The following CTNNA2 variants were observed in gnomAD, a reference collection of about 807,000 sequenced individuals.
The protein encoded by CTNNA2 is catenin alpha-2.
A neutral mutation model predicts 101.0 loss-of-function variants in CTNNA2; 42 were observed. The ratio of observed to expected loss-of-function variants is 0.42; its 90% confidence interval spans 0.32 to 0.54. CTNNA2 has a LOEUF of 0.54. CTNNA2 is among the 20% of genes least tolerant of loss of function. The probability of loss-of-function intolerance (pLI) is 0.14; values close to 1 mark genes in which losing one functional copy is unlikely to be tolerated. For synonymous variants in CTNNA2, 450 were observed against 456.4 expected (o/e 0.99, Z 0.18); for missense variants, 871 against 1,223.1 (o/e 0.71, Z 4.29).
At position 79,440,337 on chromosome 2, in the gene CTNNA2, G is replaced by A. The variant is rs899360724; in HGVS notation, c.-134-64717G>A. ...AAATTTATGGGAGAAGTAAGAGTCTGGGATACATTCCCAGCTCTGGAACCA... is the reference window on the plus strand; with the variant it reads ...AAATTTATGGGAGAAGTAAGAGTCTAGGATACATTCCCAGCTCTGGAACCA... On this transcript the variant is annotated intron_variant, in intron 4 of 21. Coordinates refer to the CTNNA2 transcript ENST00000466387. 2.6e-5 allele frequency among the ~76,000 whole-genome samples: 4 copies of A among 152,106 alleles called. No homozygotes were observed. The East Asian group carries it at 7.7e-4, about 29-fold the overall frequency.
intron 7 of CTNNA2, among the ~76,000 whole-genome samples, chr2:80,150,179 T>C (rs1040801671): frequency 3.9e-5 from 6 of 152,140 alleles, no homozygotes; most frequent in African/African-American, 1.4e-4. Context: ...GTGCTTTCAT[T>C]TGGATTTTAC....
chr2:79,616,042 T>C (rs1289141575), intron 1 of CTNNA2, among the ~76,000 whole-genome samples: 1 of 152,198 alleles, frequency 6.6e-6, no homozygotes, highest in African/African-American at 2.4e-5. Context: ...TTCTGTGGCT[T>C]CTTTCATGCA....
chr2:80,005,773 G>A (rs1007285041), intron 7 of CTNNA2, among the ~76,000 whole-genome samples: 1 of 147,556 alleles, frequency 6.8e-6, no homozygotes, highest in East Asian at 2.0e-4. Flanking sequence ...ATGTTTATTT[G>A]TTTTTTTTTT....
At chr2:80,251,257 A>G (rs939037948) in intron 7 of CTNNA2, among the ~76,000 whole-genome samples, 2 of 152,110 alleles carry the variant, frequency 1.3e-5, no homozygotes, top group Admixed American at 6.6e-5. Flanking sequence ...TAAACTTTAC[A>G]TATTGTTTTC....
At chr2:79,881,635 C>G (rs1465634665) in intron 6 of CTNNA2, among the ~76,000 whole-genome samples, 1 of 151,670 alleles carries the variant, frequency 6.6e-6, no homozygotes, top group African/African-American at 2.4e-5. Flanking sequence ...GCAACCCCTG[C>G]TTTTTTTGCT....
At chr2:80,177,519 G>T (rs191145191) in intron 7 of CTNNA2, among the ~76,000 whole-genome samples, 29 of 152,252 alleles carry the variant, frequency 1.9e-4, no homozygotes, top group Admixed American at 1.8e-3. Flanking sequence ...GTGGAAGTCC[G>T]TGTTGCTGAG....
intron 2 of CTNNA2, among the ~76,000 whole-genome samples, chr2:79,732,204 A>C (rs1687243344): frequency 6.6e-6 from 1 of 152,036 alleles, no homozygotes; most frequent in Non-Finnish European, 1.5e-5. Context: ...CAGATTTGTG[A>C]TGTTTGTCTC....
At chr2:79,582,639 A>G (rs1233052146) in intron 1 of CTNNA2, among the ~76,000 whole-genome samples, 4 of 152,054 alleles carry the variant, frequency 2.6e-5, no homozygotes, top group Non-Finnish European at 4.4e-5. Flanking sequence ...TTTTAAATAT[A>G]TATATATTTG....
chr2:79,620,683 C>G (rs899584760), intron 1 of CTNNA2, among the ~76,000 whole-genome samples: 3 of 152,130 alleles, frequency 2.0e-5, no homozygotes, highest in Admixed American at 6.5e-5. Flanking sequence ...TCTGTTGACC[C>G]TCAAGAAAAC....
chr2:79,733,023 G>A (rs1687300196), intron 2 of CTNNA2, among the ~76,000 whole-genome samples: 1 of 152,116 alleles, frequency 6.6e-6, no homozygotes, highest in South Asian at 2.1e-4. Context: ...AACTTCAAAC[G>A]AGAGTGAAAA....
intron 3 of CTNNA2, among the ~76,000 whole-genome samples, chr2:79,351,602 C>G (rs11126713): frequency 0.28 from 43,058 of 151,860 alleles, 6,357 homozygotes; most frequent in Middle Eastern, 0.43. Context: ...CTTCCCTGCT[C>G]TTTTATTCCC....
intron 7 of CTNNA2, among the ~76,000 whole-genome samples, chr2:80,079,895 TAAATA>T (rs1420907462): frequency 2.6e-5 from 3 of 115,002 alleles, no homozygotes; most frequent in African/African-American, 9.6e-5. Flanking sequence ...TAAAATAAAA[TAAATA>T]AAATAAAATA....
At chr2:79,712,451 G>T (rs893481670) in intron 2 of CTNNA2, among the ~76,000 whole-genome samples, 1 of 152,180 alleles carries the variant, frequency 6.6e-6, no homozygotes, top group African/African-American at 2.4e-5. Flanking sequence ...TCAGAGTAAT[G>T]TATGTATTAA....
intron 3 of CTNNA2, among the ~76,000 whole-genome samples, chr2:79,773,895 T>C (rs984929516): frequency 6.6e-6 from 1 of 152,208 alleles, no homozygotes; most frequent in East Asian, 1.9e-4. Context: ...GTTGATTCAC[T>C]ACTTTCTTTG....
intron 7 of CTNNA2, among the ~76,000 whole-genome samples, chr2:79,951,507 A>G (rs1239627558): frequency 6.6e-6 from 1 of 151,992 alleles, no homozygotes; most frequent in Non-Finnish European, 1.5e-5. Context: ...CTCTACTAAA[A>G]ATACAAAAAT....
At chr2:79,923,469 A>G (rs1385010008) in intron 7 of CTNNA2, among the ~76,000 whole-genome samples, 2 of 152,090 alleles carry the variant, frequency 1.3e-5, no homozygotes, top group Non-Finnish European at 2.9e-5. Flanking sequence ...ACAAGTAATA[A>G]TTGTATATAT....
chr2:80,343,815 AG>A (rs1004729607), intron 7 of CTNNA2, among the ~76,000 whole-genome samples: 3 of 152,230 alleles, frequency 2.0e-5, no homozygotes, highest in African/African-American at 7.2e-5. Context: ...AAGATGGGTA[AG>A]GTCTGTTAAG....
At chr2:79,806,928 T>C (rs1213935439) in intron 3 of CTNNA2, among the ~76,000 whole-genome samples, 1 of 152,112 alleles carries the variant, frequency 6.6e-6, no homozygotes, top group African/African-American at 2.4e-5. Flanking sequence ...GCAACTGACA[T>C]GCTCAAGCAT....
At chr2:79,686,683 T>TG (rs1383556271) in intron 2 of CTNNA2, among the ~76,000 whole-genome samples, 5 of 152,240 alleles carry the variant, frequency 3.3e-5, no homozygotes, top group African/African-American at 7.2e-5. Flanking sequence ...AAGACATTAA[T>TG]CTGGAAGTGT....
Sources: gnomAD v4.1 joint callset for allele counts (sites outside exome capture counted in the v4.1 genomes callset) on GRCh38, gnomAD v4.1.1 for gene constraint, MANE v1.5 for transcripts, NCBI Gene and HGNC (gene_info 2026-07-23, HGNC 2026-07-21) for gene names.